The following C6orf132 variants were observed in gnomAD, a reference collection of about 807,000 sequenced individuals.
C6orf132 encodes the protein chromosome 6 open reading frame 132, also known as uncharacterized protein C6orf132.
Under a neutral mutation model 65.3 loss-of-function variants are expected in C6orf132, and 43 were observed. The observed-to-expected ratio is 0.66, with a 90% CI of 0.52 to 0.85. The LOEUF is 0.85. Ranked by LOEUF, C6orf132 falls within the 40% of genes least tolerant of loss-of-function variation. The pLI is 0.00. For missense variants in C6orf132, 1,488 were observed against 1,548.8 expected, an observed-to-expected ratio of 0.96 and a Z score of 0.66; for synonymous variants, 631 against 654.1, an observed-to-expected ratio of 0.96 and a Z score of 0.54.
rs1055693704 is a variant in C6orf132 at position 42,105,229 on chromosome 6, C to T, written c.2683G>A (p.Val895Met). 9 of 1,537,076 alleles carry T rather than the reference C, an allele frequency of 5.9e-6. No homozygotes were observed. The Admixed American group carries it at 1.4e-4, about 23-fold the overall frequency. ...TCAGCCTCCTTGGGTAACTTGGGCA[C>T]CACAGTGAAGGAGTTGGGCGTGCCC... ...SQGTPNSFTVVPKLPKEAEKD... is the reference protein window; with the variant it reads ...SQGTPNSFTVMPKLPKEAEKD... The change falls in exon 4 of 5, where the codon GTG becomes ATG. Residue 895 changes from valine (V) to methionine (M), a missense_variant. Coordinates refer to ENST00000341865, the MANE Select transcript of C6orf132 (RefSeq NM_001164446.3).
intron 2 of C6orf132, among the ~76,000 whole-genome samples, chr6:42,116,904 C>T (rs141663920): frequency 6.6e-6 from 1 of 152,276 alleles, no homozygotes; most frequent in Admixed American, 6.5e-5. Flanking sequence ...GTCCCAGGGG[C>T]AGATGGGTAG....
rs765974828 is a variant in C6orf132, at chr6:42,105,401, C to G, written c.2511G>C (p.Ser837=). ...TGGCCGCCAGGAGCAGGGCCATCGG[C>G]GAGCCCCGCTCCACCACCTCCCCAG... ...PVTGEVVERG[S]PMALLLAARQ... The change falls in exon 4 of 5, where the codon TCG becomes TCC. Residue 837 remains serine (S), a synonymous_variant. Transcript: ENST00000341865. 7 of 1,535,470 alleles carry G rather than the reference C, an allele frequency of 4.6e-6. No individual in the cohort carries two copies. The highest frequency in any genetic ancestry group is 5.2e-6 in the Non-Finnish European group (6 of 1,146,308).
At chr6:42,139,422 CTG>C (rs1211681789) in intron 1 of C6orf132, among the ~76,000 whole-genome samples, 1 of 152,244 alleles carries the variant, frequency 6.6e-6, no homozygotes, top group African/African-American at 2.4e-5. Context: ...TAAACTTTTT[CTG>C]TACAGGGCCA....
At chr6:42,138,968 A>AATGT (rs1361474317) in intron 1 of C6orf132, among the ~76,000 whole-genome samples, 1 of 152,094 alleles carries the variant, frequency 6.6e-6, no homozygotes, top group African/African-American at 2.4e-5. Context: ...TAATTGCTGG[A>AATGT]ATACATATTA....
rs966366503 is a variant in C6orf132 at position 42,124,827 on chromosome 6, G to T, written c.252+3845C>A. ...AGGAGTCAGAAGCTCAGACAGGAGA[G>T]AATTAAGCCGCCAGCCGGATTCCCC... On this transcript the variant is annotated intron_variant, in intron 2 of 4. Coordinates refer to ENST00000341865, the MANE Select transcript of C6orf132 (RefSeq NM_001164446.3). This position sits in a 1 kb window ranked among gnomAD's most constrained non-coding sequence, Gnocchi z 4.0. 5.3e-5 allele frequency among the ~76,000 whole-genome samples: 8 copies of T among 152,216 alleles called. No homozygotes were observed. The highest frequency in any genetic ancestry group is 3.3e-4 in the Admixed American group (5 of 15,286).
In C6orf132 at chr6:42,126,853, A is replaced by T. The variant is rs1766775104; in HGVS notation, c.252+1819T>A. On this transcript the variant is annotated intron_variant, in intron 2 of 4. Coordinates refer to ENST00000341865, the MANE Select transcript of C6orf132 (RefSeq NM_001164446.3). ...AAGAATGAAACTCAGTCTGCAAAAAAAAAAAAAAAGAATATTTCAAACAAT... is the reference window on the plus strand; with the variant it reads ...AAGAATGAAACTCAGTCTGCAAAAATAAAAAAAAAGAATATTTCAAACAAT... 6.6e-6 allele frequency: 3 copies of T among 457,934 alleles called. No individual in the cohort carries two copies. In the South Asian group the frequency reaches 1.2e-4, roughly 18 times the overall value. 28.4% of individuals were successfully genotyped at this position (457,934 alleles called of 1,614,324 possible).
In C6orf132 at chr6:42,142,346, G is replaced by T; in HGVS notation, c.99C>A (p.Pro33=). ...CCGGGGCCTCCTGGGTGAAGATCCA[G>T]GGCGGATTGGTGGCGTAGAGGGAGG... ...PSTSLYATNP[P]WIFTQEAPEE... is the part of the protein sequence containing the mutation. The change falls in exon 1 of 5, where the codon CCC becomes CCA. Residue 33 remains proline, a synonymous_variant. Coordinates refer to ENST00000341865, the MANE Select transcript of C6orf132 (RefSeq NM_001164446.3). The T allele has an allele frequency of 6.4e-7, 1 of 1,551,428 alleles. No individual in the cohort carries two copies. Among genetic ancestry groups the T allele is most frequent in the Non-Finnish European group, 8.7e-7 (1 of 1,146,858 alleles).
chr6:42,133,563 C>A (rs1219849561), intron 1 of C6orf132, among the ~76,000 whole-genome samples: 2 of 152,120 alleles, frequency 1.3e-5, no homozygotes, highest in Non-Finnish European at 2.9e-5. Context: ...CCTTGTGAGA[C>A]CCCAGCAGCA....
chr6:42,104,648 A>G lies in C6orf132; in HGVS notation c.3264T>C (p.Ser1088=). The G allele has an allele frequency of 1.4e-6, 2 of 1,473,514 alleles. No individual in the cohort carries two copies. The highest frequency in any genetic ancestry group is 3.8e-4 in the Middle Eastern group (2 of 5,320). The allele number at this position is 1,473,514 out of a possible 1,614,324, so 91.3% of individuals were successfully genotyped here. The change falls in exon 4 of 5, where the codon TCT becomes TCC. Residue 1088 remains serine (S), a synonymous_variant. Coordinates refer to ENST00000341865, the MANE Select transcript of C6orf132 (RefSeq NM_001164446.3). This position sits in a 1 kb window ranked among gnomAD's most constrained non-coding sequence, Gnocchi z 4.1. The part of the protein sequence containing the change: ...PHGGTGRSLS[S]PNCFGPQPGG... ...CGGGCTGCGGCCCGAAGCAGTTGGG[A>G]GAGCTCAGGCTGCGGCCGGTGCCAC...
At chr6:42,133,979 A>G (rs1308971564) in intron 1 of C6orf132, among the ~76,000 whole-genome samples, 2 of 152,122 alleles carry the variant, frequency 1.3e-5, no homozygotes, top group Non-Finnish European at 2.9e-5. Flanking sequence ...CAACCTGGGT[A>G]CAGGCAGCTC....
At chr6:42,137,710 C>T (rs899179376) in intron 1 of C6orf132, among the ~76,000 whole-genome samples, 6 of 151,972 alleles carry the variant, frequency 3.9e-5, no homozygotes, top group East Asian at 1.9e-4. Context: ...CATATCTTCC[C>T]GCACAAAACA....
Position 42,107,414 on chromosome 6 carries a change from TG to T in C6orf132, c.497del (p.Pro166HisfsTer59). 1 of 1,334,924 alleles carries T rather than the reference TG, an allele frequency of 7.5e-7. No homozygotes were observed. The highest frequency in any genetic ancestry group is 9.8e-7 in the Non-Finnish European group (1 of 1,023,778). The allele number at this position is 1,334,924 out of a possible 1,614,324, so 82.7% of individuals were successfully genotyped here. A position where few individuals can be genotyped will look rare whatever the true frequency, so the allele number is the denominator to read the frequency against. ...EPPGGSPLPS[P>X]PSTAPPPPPL... ...GAGGTGGTGGGGGTGCTGTGGAAGG[TG>T]GAGATGGCAGTGGCGACCCCCCTGG... On this transcript the variant is annotated frameshift_variant, in exon 4 of 5. Transcript: ENST00000341865. LOFTEE classifies it high-confidence loss of function.
Position 42,122,857 on chromosome 6 carries a change from C to T in C6orf132, c.252+5815G>A, listed in dbSNP as rs192990353. Among the ~76,000 whole-genome samples the T allele has an allele frequency of 4.3e-3, 649 of 152,292 alleles. 5 individuals are homozygous for T. The highest frequency in any genetic ancestry group is 0.014 in the African/African-American group (598 of 41,560). On this transcript the variant is annotated intron_variant, in intron 2 of 4. Transcript: ENST00000341865. Reference sequence around the variant, plus strand: ...CTAGGGATGCCTCCTCTGGCAGAGCCAGGCCTGTCTGACTCAGAGGGTGGG... The same window carrying T: ...CTAGGGATGCCTCCTCTGGCAGAGCTAGGCCTGTCTGACTCAGAGGGTGGG...
intron 2 of C6orf132, among the ~76,000 whole-genome samples, chr6:42,119,690 A>T (rs1481601996): frequency 6.6e-6 from 1 of 151,786 alleles, no homozygotes; most frequent in Non-Finnish European, 1.5e-5. Flanking sequence ...GGGTCTTGCT[A>T]TGTTGGCCAG....
chr6:42,123,497 GAAGA>G (rs1766720887), intron 2 of C6orf132, among the ~76,000 whole-genome samples: 1 of 106,658 alleles, frequency 9.4e-6, no homozygotes, highest in South Asian at 2.7e-4. Flanking sequence ...AAGAAGAAAA[GAAGA>G]AAGAAGAAGG....
chr6:42,126,678 C>T (rs1335822277), intron 2 of C6orf132: 1 of 264,234 alleles, frequency 3.8e-6, no homozygotes, highest in East Asian at 6.2e-5. Flanking sequence ...CCTGTCTCTA[C>T]TAAAAATACA....
chr6:42,109,661 G>A (rs1766466915), intron 3 of C6orf132, among the ~76,000 whole-genome samples: 1 of 152,108 alleles, frequency 6.6e-6, no homozygotes, highest in South Asian at 2.1e-4. Context: ...GGGAAAGCAA[G>A]CAAGCAAAGT....
In C6orf132 at chr6:42,104,468, G is replaced by C. The variant is rs879926961; in HGVS notation, c.3444C>G (p.Ala1148=). The C allele has an allele frequency of 1.1e-4, 137 of 1,230,718 alleles. No homozygotes were observed. Among genetic ancestry groups the C allele is most frequent in the Non-Finnish European group, 1.3e-4 (125 of 987,522 alleles). 76.2% of individuals were successfully genotyped at this position (1,230,718 alleles called of 1,614,324 possible). ...GSADYGFAPA[A]GRSPYTTTRY... is the part of the protein sequence containing the mutation. ...CAGCCGGGCCCGCAGCTCACCTGCC[G>C]GCAGCTGGGGCGAAGCCGTAGTCGG... The change falls in exon 4 of 5, where the codon GCC becomes GCG. Residue 1148 remains alanine (A), a synonymous_variant. Transcript: ENST00000341865. The surrounding 1 kb of genome is among the most constrained non-coding windows in gnomAD (Gnocchi z 4.1).
At chr6:42,122,054 G>A (rs1766693479) in intron 2 of C6orf132, among the ~76,000 whole-genome samples, 1 of 152,210 alleles carries the variant, frequency 6.6e-6, no homozygotes, top group South Asian at 2.1e-4. Context: ...TTGGGAGCCA[G>A]TGAACAGTTT....
Sources: gnomAD v4.1 joint callset for allele counts (sites outside exome capture counted in the v4.1 genomes callset) on GRCh38, gnomAD v4.1.1 for gene constraint, Gnocchi (gnomAD v3.1) non-coding constraint, MANE v1.5 for transcripts, NCBI Gene and HGNC (gene_info 2026-07-23, HGNC 2026-07-21) for gene names.